The following TMEFF2 variants were observed in gnomAD, a reference collection of about 807,000 sequenced individuals.
TMEFF2 encodes the protein tomoregulin-2.
Under a neutral mutation model 53.8 loss-of-function variants are expected in TMEFF2, and 28 were observed. The observed-to-expected ratio is 0.52, with a 90% CI of 0.39 to 0.71. The LOEUF (loss-of-function observed/expected upper bound fraction) is 0.71, where lower values mean the gene tolerates loss of function less well. Ranked by LOEUF, TMEFF2 falls within the 30% of genes least tolerant of loss-of-function variation. The probability of loss-of-function intolerance (pLI) is 0.00; values close to 1 mark genes in which losing one functional copy is unlikely to be tolerated. For synonymous variants in TMEFF2, 162 were observed against 166.3 expected (o/e 0.97, Z 0.20); for missense variants, 353 against 455.2 (o/e 0.78, Z 2.04).
At chr2:192,000,288 C>T (rs1686324999) in intron 5 of TMEFF2, among the ~76,000 whole-genome samples, 1 of 152,002 alleles carries the variant, frequency 6.6e-6, no homozygotes, top group Non-Finnish European at 1.5e-5. Flanking sequence ...TTACTGAGAG[C>T]TAGGCATACA....
At chr2:191,956,406 C>G in intron 7 of TMEFF2, 28 bp from the exon 8 acceptor site, 1 of 1,604,924 alleles carries the variant, frequency 6.2e-7, no homozygotes, top group Non-Finnish European at 8.5e-7. Flanking sequence ...AGTAAGCACC[C>G]CCTGTAAATA....
intron 7 of TMEFF2, among the ~76,000 whole-genome samples, chr2:191,963,714 C>A (rs1227369619): frequency 6.6e-6 from 1 of 152,148 alleles, no homozygotes; most frequent in Non-Finnish European, 1.5e-5. Flanking sequence ...TGGCACTATG[C>A]TATGTGTTGT....
chr2:192,005,945 G>A (rs573315034), intron 5 of TMEFF2, among the ~76,000 whole-genome samples: 3 of 152,104 alleles, frequency 2.0e-5, no homozygotes, highest in Admixed American at 6.6e-5. Flanking sequence ...AGAAAATGAG[G>A]TAAGAGATGT....
chr2:192,003,050 A>G (rs533652891), intron 5 of TMEFF2, among the ~76,000 whole-genome samples: 7 of 152,308 alleles, frequency 4.6e-5, no homozygotes, highest in African/African-American at 1.4e-4. Flanking sequence ...CTCTAAGTCC[A>G]TCTTGATCTC....
intron 4 of TMEFF2, among the ~76,000 whole-genome samples, chr2:192,121,450 G>C (rs146414360): frequency 0.013 from 1,984 of 152,252 alleles, 34 homozygotes; most frequent in African/African-American, 0.045. Flanking sequence ...GTAGAAGGAG[G>C]GGAAGGAGGA....
intron 4 of TMEFF2, among the ~76,000 whole-genome samples, chr2:192,130,401 C>A (rs1328641586): frequency 6.6e-6 from 1 of 152,100 alleles, no homozygotes; most frequent in African/African-American, 2.4e-5. Flanking sequence ...GGCCTCTGAG[C>A]CCAAGTCAAG....
At chr2:192,048,470 A>AT (rs34881269) in intron 5 of TMEFF2, among the ~76,000 whole-genome samples, 6 of 150,202 alleles carry the variant, frequency 4.0e-5, no homozygotes, top group Middle Eastern at 3.4e-3. Flanking sequence ...TTGTATTTCT[A>AT]TTTTTTTTTA....
chr2:192,179,341 C>T, intron 4 of TMEFF2: 1 of 273,828 alleles, frequency 3.7e-6, no homozygotes, highest in Non-Finnish European at 6.8e-6. Context: ...CTCATGAATT[C>T]TTTCTTCCCT....
At chr2:192,147,640 G>A (rs773299743) in intron 4 of TMEFF2, among the ~76,000 whole-genome samples, 2 of 151,980 alleles carry the variant, frequency 1.3e-5, no homozygotes, top group East Asian at 1.9e-4. Context: ...TTCAACAAAC[G>A]TTAAAAAAAA....
chr2:192,150,372 G>A (rs1690355574), intron 4 of TMEFF2, among the ~76,000 whole-genome samples: 1 of 151,862 alleles, frequency 6.6e-6, no homozygotes, highest in Non-Finnish European at 1.5e-5. Context: ...CAATTCACTT[G>A]TATCAAGCCT....
chr2:192,122,597 A>G (rs915425823), intron 4 of TMEFF2, among the ~76,000 whole-genome samples: 3 of 152,168 alleles, frequency 2.0e-5, no homozygotes. Context: ...CAACGGGGCA[A>G]TGAAACAGAC....
chr2:192,052,433 C>G (rs749069756), intron 5 of TMEFF2, among the ~76,000 whole-genome samples: 10 of 152,116 alleles, frequency 6.6e-5, no homozygotes, highest in Non-Finnish European at 5.9e-5. Context: ...AGGAATAGTT[C>G]CCAGAGAAAA....
chr2:191,985,514 T>G (rs534137652), intron 7 of TMEFF2, among the ~76,000 whole-genome samples: 1 of 152,164 alleles, frequency 6.6e-6, no homozygotes, highest in East Asian at 1.9e-4. Flanking sequence ...CTTTCAGAGA[T>G]AGTCTGTTTT....
chr2:192,096,362 G>C (rs1688903351), intron 4 of TMEFF2, among the ~76,000 whole-genome samples: 1 of 151,998 alleles, frequency 6.6e-6, no homozygotes, highest in African/African-American at 2.4e-5. Context: ...AATTTTTAGT[G>C]ATTTAAAGGG....
intron 5 of TMEFF2, among the ~76,000 whole-genome samples, chr2:192,009,128 C>G (rs1686568292): frequency 6.6e-6 from 1 of 152,152 alleles, no homozygotes; most frequent in Admixed American, 6.5e-5. Flanking sequence ...ACAAGGTAGT[C>G]CTACCTGGTG....
chr2:192,126,859 A>AACAC, intron 4 of TMEFF2, among the ~76,000 whole-genome samples: 1 of 151,996 alleles, frequency 6.6e-6, no homozygotes, highest in African/African-American at 2.4e-5. Flanking sequence ...CAAACAAACA[A>AACAC]ACAAAAGCTT....
intron 4 of TMEFF2, among the ~76,000 whole-genome samples, chr2:192,060,418 A>G (rs780308343): frequency 6.6e-6 from 1 of 152,144 alleles, no homozygotes; most frequent in Non-Finnish European, 1.5e-5. Context: ...ACAGTTCACA[A>G]CCTTTTAGCG....
chr2:192,006,527 T>C (rs758269567), intron 5 of TMEFF2, among the ~76,000 whole-genome samples: 40 of 152,182 alleles, frequency 2.6e-4, no homozygotes, highest in Non-Finnish European at 5.9e-5. Context: ...TAGACCTCTA[T>C]TTAATGAGGC....
At chr2:192,172,297 C>T (rs943951939) in intron 4 of TMEFF2, among the ~76,000 whole-genome samples, 3 of 151,770 alleles carry the variant, frequency 2.0e-5, no homozygotes, top group Middle Eastern at 3.2e-3. Flanking sequence ...GAGCACAAAT[C>T]CCTAAGTTTC....
Sources: gnomAD v4.1 joint callset for allele counts (sites outside exome capture counted in the v4.1 genomes callset) on GRCh38, gnomAD v4.1.1 for gene constraint, MANE v1.5 for transcripts, NCBI Gene and HGNC (gene_info 2026-07-23, HGNC 2026-07-21) for gene names.